Variants in JARID2 observed in about 807,000 individuals in gnomAD.
The protein encoded by JARID2 is jumonji and AT-rich interaction domain containing 2.
Under a neutral mutation model 125.6 loss-of-function variants are expected in JARID2, and 21 were observed. The ratio of observed to expected loss-of-function variants is 0.17; its 90% CI spans 0.12 to 0.24. The LOEUF is 0.24. JARID2 is among the 10% of genes least tolerant of loss of function. The pLI is 1.00. For missense variants in JARID2, 1,303 were observed against 1,639.6 expected (o/e 0.79, Z 3.55); for synonymous variants, 736 against 661.6 (o/e 1.11, Z -1.73).
intron 1 of JARID2, among the ~76,000 whole-genome samples, chr6:15,316,480 C>G (rs1759749238): frequency 6.6e-6 from 1 of 152,096 alleles, no homozygotes; most frequent in Non-Finnish European, 1.5e-5. Context: ...AGGTTTGTGG[C>G]TGAGGACAGT....
intron 1 of JARID2, among the ~76,000 whole-genome samples, chr6:15,358,249 A>T (rs529439918): frequency 6.6e-6 from 1 of 152,292 alleles, no homozygotes; most frequent in East Asian, 1.9e-4. Context: ...TCTATCATCA[A>T]CTTTAATGTT....
intron 1 of JARID2, among the ~76,000 whole-genome samples, chr6:15,303,220 G>T (rs1245972177): frequency 2.0e-5 from 3 of 152,238 alleles, no homozygotes. Context: ...GTGTGATGAT[G>T]ATGTAAGGCA....
At chr6:15,260,869 C>T (rs891390821) in intron 1 of JARID2, among the ~76,000 whole-genome samples, 4 of 152,142 alleles carry the variant, frequency 2.6e-5, no homozygotes, top group African/African-American at 9.7e-5. Flanking sequence ...TCTAATTAAG[C>T]GATGTGATCA....
rs550866714 is a variant in JARID2 at position 15,400,301 on chromosome 6, C to T, written c.182-9923C>T. 4.9e-4 allele frequency among the ~76,000 whole-genome samples: 75 copies of T among 151,690 alleles called. 1 individual carries two copies. Among genetic ancestry groups the T allele is most frequent in the South Asian group, 3.4e-3 (16 of 4,774 alleles). On this transcript the variant is annotated intron_variant, in intron 2 of 17. Transcript: ENST00000341776. ...GCTGGAATCAGAGTAAGGGGGAGGG[C>T]GGGCTGGAGGAGGAGCATGTGGAAA...
At chr6:15,518,160 G>GT (rs1379521927) in intron 17 of JARID2, among the ~76,000 whole-genome samples, 1 of 152,256 alleles carries the variant, frequency 6.6e-6, no homozygotes, top group Non-Finnish European at 1.5e-5. Context: ...TCCAGGCACA[G>GT]TTGCAAATAA....
chr6:15,265,159 C>T (rs966626153), intron 1 of JARID2, among the ~76,000 whole-genome samples: 18 of 152,222 alleles, frequency 1.2e-4, no homozygotes, highest in African/African-American at 4.1e-4. Context: ...AAATAGTTGG[C>T]ACATCGTCTG....
intron 6 of JARID2, among the ~76,000 whole-genome samples, chr6:15,489,418 C>G (rs1770039250): frequency 1.3e-5 from 2 of 152,182 alleles, no homozygotes; most frequent in Non-Finnish European, 2.9e-5. Flanking sequence ...CATGCACGGA[C>G]AGACACGGGT....
At chr6:15,425,102 AATG>A (rs1415840795) in intron 3 of JARID2, among the ~76,000 whole-genome samples, 2 of 152,172 alleles carry the variant, frequency 1.3e-5, no homozygotes, top group African/African-American at 2.4e-5. Flanking sequence ...AGACTCAGTA[AATG>A]ATGTCTGCTC....
intron 3 of JARID2, among the ~76,000 whole-genome samples, chr6:15,443,989 A>G (rs902522506): frequency 3.3e-5 from 5 of 152,222 alleles, no homozygotes; most frequent in African/African-American, 7.2e-5. Context: ...TTTATTCTAA[A>G]TAGCTTCCTA....
At chr6:15,426,674 G>C (rs1403557156) in intron 3 of JARID2, among the ~76,000 whole-genome samples, 1 of 152,194 alleles carries the variant, frequency 6.6e-6, no homozygotes, top group South Asian at 2.1e-4. Flanking sequence ...AGCTCCAAGA[G>C]GGTTTCCTGT....
At position 15,501,124 on chromosome 6, in the gene JARID2, G is replaced by A; in HGVS notation, c.2163G>A (p.Lys721=). ...CAGAGGAGCACCGGCGGCTGGAGAA[G>A]GAGGTGCTGATGGAGAAGGAGATCC... ...LSPEEHRRLE[K]EVLMEKEILE... is the part of the protein sequence containing the mutation. Residue 721 remains lysine (K), a synonymous_variant, in exon 8 of 18, where the codon AAG becomes AAA. Coordinates refer to ENST00000341776, the MANE Select transcript of JARID2 (RefSeq NM_004973.4). The A allele has an allele frequency of 3.1e-6, 5 of 1,614,196 alleles. No individual in the cohort carries two copies. The highest frequency in any genetic ancestry group is 4.2e-6 in the Non-Finnish European group (5 of 1,180,038).
At chr6:15,454,341 A>G (rs1257656109) in intron 4 of JARID2, among the ~76,000 whole-genome samples, 4 of 152,172 alleles carry the variant, frequency 2.6e-5, no homozygotes, top group Non-Finnish European at 5.9e-5. Flanking sequence ...GATTCTTAAC[A>G]CATAAGAAAG....
At chr6:15,247,592 G>C (rs909262621) in intron 1 of JARID2, 53 of 984,662 alleles carry the variant, frequency 5.4e-5, no homozygotes, top group Non-Finnish European at 6.3e-5. Context: ...AACGTAAGAG[G>C]AAAGTTTATT....
chr6:15,363,666 A>C (rs1419596363), intron 1 of JARID2, among the ~76,000 whole-genome samples: 2 of 152,200 alleles, frequency 1.3e-5, no homozygotes, highest in Non-Finnish European at 2.9e-5. Context: ...TTCAGCATTT[A>C]AAAATGTTTG....
intron 1 of JARID2, among the ~76,000 whole-genome samples, chr6:15,360,430 G>A (rs763631978): frequency 3.9e-5 from 6 of 151,948 alleles, no homozygotes; most frequent in Non-Finnish European, 4.4e-5. Flanking sequence ...TGATCTGCCC[G>A]CCTCGGCCTC....
intron 1 of JARID2, chr6:15,248,231 G>A (rs1365167898): frequency 6.6e-6 from 2 of 301,066 alleles, no homozygotes; most frequent in Non-Finnish European, 9.8e-6. Flanking sequence ...GGGACGGCCC[G>A]CGGGGGTCGC....
At chr6:15,367,341 G>A (rs1465084973) in intron 1 of JARID2, among the ~76,000 whole-genome samples, 1 of 152,124 alleles carries the variant, frequency 6.6e-6, no homozygotes, top group African/African-American at 2.4e-5. Flanking sequence ...AAAAACCAAG[G>A]TATGAACAAA....
chr6:15,485,449 A>C (rs1185866622), intron 5 of JARID2, among the ~76,000 whole-genome samples: 1 of 152,228 alleles, frequency 6.6e-6, no homozygotes, highest in Non-Finnish European at 1.5e-5. Context: ...GTTTGAAGGG[A>C]GAGAGAAAAT....
At chr6:15,496,111 T>C (rs749896188) in intron 6 of JARID2, 21 bp from the exon 7 acceptor site, 1 of 1,581,980 alleles carries the variant, frequency 6.3e-7, no homozygotes, top group Admixed American at 1.7e-5. Context: ...TTTTTCCACC[T>C]CTGCTTCTGC....
Sources: allele counts gnomAD v4.1 joint callset (sites outside exome capture counted in the v4.1 genomes callset), GRCh38; gene constraint gnomAD v4.1.1; transcripts MANE v1.5; gene names NCBI Gene and HGNC (gene_info 2026-07-23, HGNC 2026-07-21).